EPHA4: variants seen among roughly 807,000 people sequenced by gnomAD.
EPHA4 encodes ephrin type-A receptor 4.
EPHA4 carries 19 observed loss-of-function variants against 108.3 expected under a neutral mutation model. The ratio of observed to expected loss-of-function variants is 0.18; its 90% confidence interval spans 0.12 to 0.26. The LOEUF (loss-of-function observed/expected upper bound fraction) is 0.26. EPHA4 is among the 10% of genes least tolerant of loss of function. The pLI, the probability that EPHA4 is intolerant of heterozygous loss-of-function variation, is 1.00. For synonymous variants in EPHA4, 449 were observed against 455.5 expected, an observed-to-expected ratio of 0.99 and a Z score of 0.18; for missense variants, 917 against 1,254.0, an observed-to-expected ratio of 0.73 and a Z score of 4.06.
intron 5 of EPHA4, among the ~76,000 whole-genome samples, chr2:221,471,434 C>T (rs898558642): frequency 1.2e-4 from 18 of 152,062 alleles, no homozygotes; most frequent in African/African-American, 4.1e-4. Flanking sequence ...AATAGTTCCA[C>T]AGCATGATAT....
rs563158398 is a variant in EPHA4 at position 221,442,512 on chromosome 2, T to G, written c.2074+317A>C. 1.4e-3 allele frequency among the ~76,000 whole-genome samples: 217 copies of G among 152,328 alleles called. 1 individual carries two copies. The highest frequency in any genetic ancestry group is 5.1e-3 in the African/African-American group (211 of 41,572). On this transcript the variant is annotated intron_variant, in intron 11 of 17. Coordinates refer to ENST00000281821, the MANE Select transcript of EPHA4 (RefSeq NM_004438.5). ...TAGGAAAAGTACTTAAATTTTATTT[T>G]GCTTACCATCTGCTTGAGCCCACCC...
intron 5 of EPHA4, among the ~76,000 whole-genome samples, chr2:221,458,662 C>A (rs1209546799): frequency 6.6e-6 from 1 of 152,138 alleles, no homozygotes; most frequent in Non-Finnish European, 1.5e-5. Flanking sequence ...CTTTCCACTG[C>A]GAAGGACACA....
intron 5 of EPHA4, among the ~76,000 whole-genome samples, chr2:221,464,612 G>C (rs1258752635): frequency 6.6e-6 from 1 of 152,102 alleles, no homozygotes; most frequent in African/African-American, 2.4e-5. Flanking sequence ...GTATTTTATA[G>C]TACAAGAGTT....
At position 221,436,506 on chromosome 2, in the gene EPHA4, G is replaced by C. The variant is rs1163445850; in HGVS notation, c.2239C>G (p.Leu747Val). 3.1e-6 allele frequency: 5 copies of C among 1,614,018 alleles called. No individual in the cohort carries two copies. The highest frequency in any genetic ancestry group is 4.2e-6 in the Non-Finnish European group (5 of 1,180,040). ...LSDMSYVHRD[L>V]AARNILVNSN... ...TTCACCAGGATGTTCCGTGCGGCCA[G>C]ATCACGATGCACATAGCTCATATCA... The change falls in exon 13 of 18, where the codon CTG becomes GTG. Residue 747 changes from leucine (L) to valine (V), a missense_variant. Leu to Val is a conservative substitution (Grantham distance 32). Transcript: ENST00000281821.
intron 5 of EPHA4, among the ~76,000 whole-genome samples, chr2:221,459,164 G>C (rs1467637436): frequency 6.6e-6 from 1 of 152,104 alleles, no homozygotes; most frequent in East Asian, 1.9e-4. Context: ...TGATGGCAGG[G>C]AAGCCAAGCA....
At chr2:221,552,294 A>G (rs1694184538) in intron 3 of EPHA4, among the ~76,000 whole-genome samples, 1 of 152,182 alleles carries the variant, frequency 6.6e-6, no homozygotes, top group South Asian at 2.1e-4. Context: ...CTCTTATGTC[A>G]CCCAACACTT....
chr2:221,430,833 G>A (rs1447627355), intron 14 of EPHA4, among the ~76,000 whole-genome samples: 3 of 152,014 alleles, frequency 2.0e-5, no homozygotes, highest in Non-Finnish European at 4.4e-5. Context: ...CCTTCTTTTG[G>A]GGCATTTACA....
intron 16 of EPHA4, 90 bp downstream of exon 16, chr2:221,426,374 T>G (rs922369615): frequency 6.9e-7 from 1 of 1,447,794 alleles, no homozygotes; most frequent in Non-Finnish European, 9.2e-7. Context: ...TTTTTTTAAA[T>G]GAGTAGGATG....
intron 3 of EPHA4, among the ~76,000 whole-genome samples, chr2:221,527,295 T>A (rs1253280249): frequency 6.6e-6 from 1 of 152,194 alleles, no homozygotes; most frequent in Admixed American, 6.5e-5. Context: ...GACAAGTGCC[T>A]CTGATTAATG....
At chr2:221,518,679 G>C (rs1559276415) in intron 3 of EPHA4, among the ~76,000 whole-genome samples, 1 of 152,124 alleles carries the variant, frequency 6.6e-6, no homozygotes. Context: ...TTCTTTTTCT[G>C]TTCCTATGTT....
intron 9 of EPHA4, among the ~76,000 whole-genome samples, chr2:221,445,462 T>C (rs888650247): frequency 6.7e-6 from 1 of 150,022 alleles, no homozygotes; most frequent in East Asian, 2.0e-4. Context: ...TCGTGGCGGG[T>C]GCCTGTAATC....
intron 5 of EPHA4, among the ~76,000 whole-genome samples, chr2:221,461,042 A>G (rs1463062758): frequency 3.9e-5 from 6 of 152,194 alleles, no homozygotes; most frequent in Non-Finnish European, 7.3e-5. Context: ...AATGTTATCA[A>G]TGTTTGCTGG....
chr2:221,535,005 G>A (rs532380435), intron 3 of EPHA4, among the ~76,000 whole-genome samples: 2 of 152,310 alleles, frequency 1.3e-5, no homozygotes, highest in South Asian at 4.1e-4. Flanking sequence ...TGCAGCTTCT[G>A]CACGTTCTCC....
rs564815944 is a variant in EPHA4, at chr2:221,419,053, T to G, written c.*2319A>C. 1.3e-5 allele frequency: 2 copies of G among 152,742 alleles called. No individual in the cohort carries two copies. Among genetic ancestry groups the G allele is most frequent in the South Asian group, 4.1e-4 (2 of 4,826 alleles). 9.5% of individuals were successfully genotyped at this position (152,742 alleles called of 1,614,324 possible). A position where few individuals can be genotyped will look rare whatever the true frequency, so the allele number is the denominator to read the frequency against. On this transcript the variant is annotated 3_prime_UTR_variant, in exon 18 of 18. Transcript: ENST00000281821. ...ACAATAAATGGTTCAGAATCTATTT[T>G]TTTTCCTCATTTTTCCCTGATTTGA...
rs1042653428 is a variant in EPHA4 at position 221,571,218 on chromosome 2, T to C, written c.91+940A>G. Among the ~76,000 whole-genome samples, 22 of 149,002 alleles carry C rather than the reference T, an allele frequency of 1.5e-4. No individual in the cohort carries two copies. The highest frequency in any genetic ancestry group is 5.2e-4 in the African/African-American group (21 of 40,354). ...TGCACACACACCACACATGCAGACA[T>C]GCACACACACGCAGACATGCACACA... is the stretch of plus-strand genomic sequence containing the variant. On this transcript the variant is annotated intron_variant, in intron 1 of 17. Coordinates refer to ENST00000281821, the MANE Select transcript of EPHA4 (RefSeq NM_004438.5). This position sits in a 1 kb window ranked among gnomAD's most constrained non-coding sequence, Gnocchi z 6.3.
chr2:221,571,670 G>T lies in EPHA4; in HGVS notation c.91+488C>A, dbSNP rs1574671252. On this transcript the variant is annotated intron_variant, in intron 1 of 17. Coordinates refer to ENST00000281821, the MANE Select transcript of EPHA4 (RefSeq NM_004438.5). This position sits in a 1 kb window ranked among gnomAD's most constrained non-coding sequence, Gnocchi z 6.3. Reference sequence around the variant, plus strand: ...ACCGCTGCGCTGCGGAGCAGGCCCCGCAGCCCGGTCCCGAGAAGCGCAGGG... The same window carrying T: ...ACCGCTGCGCTGCGGAGCAGGCCCCTCAGCCCGGTCCCGAGAAGCGCAGGG... 6.6e-6 allele frequency among the ~76,000 whole-genome samples: 1 copy of T among 152,310 alleles called. No individual in the cohort carries two copies. Among genetic ancestry groups the T allele is most frequent in the South Asian group, 2.1e-4 (1 of 4,828 alleles).
Position 221,420,475 on chromosome 2 carries a change from A to C in EPHA4, c.*897T>G, listed in dbSNP as rs924226893. 3 of 152,640 alleles carry C rather than the reference A, an allele frequency of 2.0e-5. No homozygotes were observed. The highest frequency in any genetic ancestry group is 7.2e-5 in the African/African-American group (3 of 41,460). 9.5% of individuals were successfully genotyped at this position (152,640 alleles called of 1,614,324 possible). ...GAAACACATTTAGACGGAACTGAGG[A>C]GGGTGTGTTCTGTTTTCTTCCACGG... On this transcript the variant is annotated 3_prime_UTR_variant, in exon 18 of 18. Transcript: ENST00000281821.
chr2:221,513,933 G>A (rs1692910178), intron 3 of EPHA4, among the ~76,000 whole-genome samples: 1 of 152,132 alleles, frequency 6.6e-6, no homozygotes, highest in Non-Finnish European at 1.5e-5. Context: ...TGCACTGTCT[G>A]TTTTTGGTAC....
At chr2:221,543,766 C>A (rs1693904041) in intron 3 of EPHA4, among the ~76,000 whole-genome samples, 1 of 152,068 alleles carries the variant, frequency 6.6e-6, no homozygotes, top group Admixed American at 6.6e-5. Context: ...GAATACAGGG[C>A]TTAGAAGGAT....
Sources: gnomAD v4.1 joint callset for allele counts (sites outside exome capture counted in the v4.1 genomes callset) on GRCh38, gnomAD v4.1.1 for gene constraint, Gnocchi (gnomAD v3.1) non-coding constraint, MANE v1.5 for transcripts, NCBI Gene and HGNC (gene_info 2026-07-23, HGNC 2026-07-21) for gene names.